Variants in SLC2A14 observed in about 807,000 individuals in gnomAD.
SLC2A14 encodes solute carrier family 2 member 14.
Under a neutral mutation model 43.0 loss-of-function variants are expected in SLC2A14, and 13 were observed. The ratio of observed to expected loss-of-function variants is 0.30; its 90% CI spans 0.20 to 0.48. The LOEUF is 0.48. SLC2A14 is among the 20% of genes least tolerant of loss of function. SLC2A14 has a pLI of 0.99. For synonymous variants in SLC2A14, 190 were observed against 233.8 expected (o/e 0.81, Z 1.71); for missense variants, 428 against 620.4 (o/e 0.69, Z 3.29).
chr12:7,875,616 G>C (rs989468217), upstream of SLC2A14, among the ~76,000 whole-genome samples: 15 of 152,034 alleles, frequency 9.9e-5, no homozygotes, highest in Non-Finnish European at 1.9e-4. Context: ...AGGGTATAGA[G>C]CCTTTGGAAT....
upstream of SLC2A14, among the ~76,000 whole-genome samples, chr12:7,875,975 C>CA (rs1945457794): frequency 6.7e-6 from 1 of 150,102 alleles, no homozygotes; most frequent in Non-Finnish European, 1.5e-5. Context: ...GACTTCGTCC[C>CA]AGAAAAAAAA....
chr12:7,838,149 G>A (rs1313106646), intron 2 of SLC2A14, among the ~76,000 whole-genome samples: 5 of 148,294 alleles, frequency 3.4e-5, no homozygotes, highest in South Asian at 2.1e-4. Flanking sequence ...GTGCAGTGCC[G>A]AGATCTTGGC....
In SLC2A14 at chr12:7,820,979, C is replaced by T. The variant is rs142127982; in HGVS notation, c.969+242G>A. Among the ~76,000 whole-genome samples, 1,354 of 151,982 alleles carry T rather than the reference C, an allele frequency of 8.9e-3. 24 individuals are homozygous for T. The highest frequency in any genetic ancestry group is 0.061 in the East Asian group (312 of 5,130). ...GCGCACACCTGTATCCGAGCTACTT[C>T]GGAAGGCTGAGGCAGGAGAATCACT... On this transcript the variant is annotated intron_variant, in intron 8 of 10. Transcript: ENST00000431042.
At chr12:7,826,858 C>CCTTTCTTTCTTT in intron 7 of SLC2A14, among the ~76,000 whole-genome samples, 1 of 43,240 alleles carries the variant, frequency 2.3e-5, no homozygotes, top group South Asian at 7.9e-4. Flanking sequence ...TCCTTCCTTT[C>CCTTTCTTTCTTT]TTTTTTCTTT....
intron 5 of SLC2A14, among the ~76,000 whole-genome samples, chr12:7,829,125 T>C (rs1420858550): frequency 6.6e-6 from 1 of 151,180 alleles, no homozygotes; most frequent in African/African-American, 2.4e-5. Context: ...AGGCAGAGAA[T>C]TACTTGAACC....
chr12:7,846,676 G>A (rs1414383209), intron 2 of SLC2A14, among the ~76,000 whole-genome samples: 2 of 150,204 alleles, frequency 1.3e-5, no homozygotes, highest in Non-Finnish European at 3.0e-5. Flanking sequence ...CTGTCACCCA[G>A]GCTGGAGTGT....
chr12:7,882,973 G>T (rs1224376773), intron 1 of SLC2A14, among the ~76,000 whole-genome samples: 1 of 151,892 alleles, frequency 6.6e-6, no homozygotes, highest in East Asian at 1.9e-4. Context: ...GACTTCGGGA[G>T]GCCAAGGTGG....
intron 2 of SLC2A14, among the ~76,000 whole-genome samples, chr12:7,866,771 C>G (rs943316870): frequency 6.6e-6 from 1 of 152,092 alleles, no homozygotes; most frequent in Non-Finnish European, 1.5e-5. Flanking sequence ...GAAGCTGTCC[C>G]TATAACTTAA....
At chr12:7,838,324 G>A (rs1394285186) in intron 2 of SLC2A14, among the ~76,000 whole-genome samples, 2 of 151,662 alleles carry the variant, frequency 1.3e-5, no homozygotes, top group Non-Finnish European at 2.9e-5. Flanking sequence ...CTGACCTTGC[G>A]ATCCACCTGC....
At position 7,869,886 on chromosome 12, in the gene SLC2A14, T is replaced by G; in HGVS notation, c.-6A>C. On this transcript the variant is annotated 5_prime_UTR_variant, in exon 2 of 11. Transcript: ENST00000431042. ...ACATTCTGTCTGTTGTCCATCTCTC[T>G]GCTATCCTAGGAATTGACTCCCTCT... 1 of 1,528,850 alleles carries G rather than the reference T, an allele frequency of 6.5e-7. No homozygotes were observed. The highest frequency in any genetic ancestry group is 8.8e-7 in the Non-Finnish European group (1 of 1,140,844). The allele number at this position is 1,528,850 out of a possible 1,614,324, so 94.7% of individuals were successfully genotyped here.
chr12:7,885,126 G>A (rs973079473), intron 1 of SLC2A14, among the ~76,000 whole-genome samples: 6 of 152,094 alleles, frequency 3.9e-5, no homozygotes, highest in African/African-American at 1.2e-4. Flanking sequence ...ATCCAAAGCT[G>A]AACCATGAGT....
At chr12:7,861,331 T>G (rs1944548209) in intron 2 of SLC2A14, among the ~76,000 whole-genome samples, 1 of 152,144 alleles carries the variant, frequency 6.6e-6, no homozygotes, top group South Asian at 2.1e-4. Context: ...AGTTGACATC[T>G]AAGAAAATTT....
At chr12:7,874,088 T>C (rs752398776), upstream of SLC2A14, among the ~76,000 whole-genome samples, 5 of 152,184 alleles carry the variant, frequency 3.3e-5, no homozygotes, top group South Asian at 4.2e-4. Context: ...CTACATGAGA[T>C]ACCAATTCGT....
intron 7 of SLC2A14, among the ~76,000 whole-genome samples, chr12:7,821,941 C>A (rs1238519557): frequency 6.6e-6 from 1 of 151,718 alleles, no homozygotes; most frequent in Non-Finnish European, 1.5e-5. Flanking sequence ...TCTCCTGCCT[C>A]AGCCTCCCAA....
intron 2 of SLC2A14, among the ~76,000 whole-genome samples, chr12:7,842,806 G>A (rs938609685): frequency 2.7e-5 from 4 of 150,184 alleles, no homozygotes; most frequent in Non-Finnish European, 5.9e-5. Context: ...TCGGCTCATC[G>A]CAACCTCCGC....
At chr12:7,820,264 G>A (rs898284733) in intron 8 of SLC2A14, among the ~76,000 whole-genome samples, 1 of 149,422 alleles carries the variant, frequency 6.7e-6, no homozygotes, top group African/African-American at 2.5e-5. Context: ...GTATTTCTGT[G>A]CTTTAAAATA....
chr12:7,817,498 G>A (rs1863553879), intron 10 of SLC2A14, among the ~76,000 whole-genome samples: 1 of 151,980 alleles, frequency 6.6e-6, no homozygotes, highest in Non-Finnish European at 1.5e-5. Context: ...GCCGGGCATG[G>A]TGGCTCACGC....
intron 2 of SLC2A14, among the ~76,000 whole-genome samples, chr12:7,843,750 G>A (rs956437161): frequency 2.0e-5 from 3 of 150,488 alleles, no homozygotes; most frequent in Non-Finnish European, 3.0e-5. Context: ...CTGTCATCTT[G>A]CTCAAGTCTA....
upstream of SLC2A14, among the ~76,000 whole-genome samples, chr12:7,875,962 C>A (rs1445010103): frequency 2.0e-5 from 3 of 150,962 alleles, no homozygotes; most frequent in African/African-American, 7.3e-5. Flanking sequence ...GGCTACAGAA[C>A]AAGACTTCGT....
Sources: allele counts gnomAD v4.1 joint callset (sites outside exome capture counted in the v4.1 genomes callset), GRCh38; gene constraint gnomAD v4.1.1; transcripts MANE v1.5; gene names NCBI Gene and HGNC (gene_info 2026-07-23, HGNC 2026-07-21).